The following XKR4 variants were observed in gnomAD, a reference collection of about 807,000 sequenced individuals.
The protein encoded by XKR4 is XK-related protein 4.
XKR4 carries 12 observed loss-of-function variants against 53.9 expected under a neutral mutation model. The ratio of observed to expected loss-of-function variants is 0.22; its 90% CI spans 0.14 to 0.36. The LOEUF (loss-of-function observed/expected upper bound fraction) is 0.36. Among genes scored for constraint, XKR4 ranks in the 10% least tolerant of loss-of-function variants. The pLI, the probability that XKR4 is intolerant of heterozygous loss-of-function variation, is 1.00. For missense variants in XKR4, 799 were observed against 859.5 expected, an observed-to-expected ratio of 0.93 and a Z score of 0.88; for synonymous variants, 354 against 362.4, an observed-to-expected ratio of 0.98 and a Z score of 0.26.
chr8:55,201,843 TA>T (rs747296111), intron 1 of XKR4, among the ~76,000 whole-genome samples: 75 of 152,208 alleles, frequency 4.9e-4, no homozygotes, highest in Admixed American at 2.0e-3. Context: ...TGAGCATTTA[TA>T]GGAAAGGATG....
Position 55,174,848 on chromosome 8 carries a change from G to T in XKR4, c.806+71554G>T, listed in dbSNP as rs567815849. Among the ~76,000 whole-genome samples, 4 of 152,248 alleles carry T rather than the reference G, an allele frequency of 2.6e-5. No homozygotes were observed. The South Asian group carries it at 8.3e-4, about 32-fold the overall frequency. On this transcript the variant is annotated intron_variant, in intron 1 of 2. Coordinates refer to ENST00000327381, the MANE Select transcript of XKR4 (RefSeq NM_052898.2). ...CACCAGAAACATCTCATGGAGCAGC[G>T]TGTGTCACAGCATGACTGTCTCAGC... is the stretch of plus-strand genomic sequence containing the variant.
At chr8:55,523,026 C>T (rs1806821287) in intron 2 of XKR4, among the ~76,000 whole-genome samples, 1 of 151,910 alleles carries the variant, frequency 6.6e-6, no homozygotes, top group Non-Finnish European at 1.5e-5. Flanking sequence ...CCTGTAGTCC[C>T]AGCTACTGGG....
At chr8:55,111,154 C>A (rs1295132394) in intron 1 of XKR4, among the ~76,000 whole-genome samples, 1 of 152,146 alleles carries the variant, frequency 6.6e-6, no homozygotes, top group South Asian at 2.1e-4. Flanking sequence ...AGATTCCAGG[C>A]AGGCTACCTG....
At chr8:55,171,477 G>A (rs1045250691) in intron 1 of XKR4, among the ~76,000 whole-genome samples, 2 of 152,124 alleles carry the variant, frequency 1.3e-5, no homozygotes, top group Non-Finnish European at 2.9e-5. Context: ...GTCTTCATAC[G>A]TCTCCGTGTC....
rs186870438 is a variant in XKR4, at chr8:55,322,168, T to A, written c.807-35510T>A. Among the ~76,000 whole-genome samples, 240 of 152,362 alleles carry A rather than the reference T, an allele frequency of 1.6e-3. 3 individuals carry two copies. The highest frequency in any genetic ancestry group is 5.2e-3 in the African/African-American group (215 of 41,580). On this transcript the variant is annotated intron_variant, in intron 1 of 2. Coordinates refer to ENST00000327381, the MANE Select transcript of XKR4 (RefSeq NM_052898.2). ...ACCACATGCTTTTATCCCTAAGTAA[T>A]TGCTTAATTTAGCATGTTTTTCAAA...
At chr8:55,207,275 C>G (rs1315232824) in intron 1 of XKR4, among the ~76,000 whole-genome samples, 2 of 152,170 alleles carry the variant, frequency 1.3e-5, no homozygotes, top group East Asian at 3.9e-4. Context: ...GGTGACCTGC[C>G]CAACACCCCT....
At chr8:55,265,535 A>T (rs1818585746) in intron 1 of XKR4, among the ~76,000 whole-genome samples, 1 of 152,176 alleles carries the variant, frequency 6.6e-6, no homozygotes, top group Non-Finnish European at 1.5e-5. Flanking sequence ...AGTAGGGTGT[A>T]AAAACCATGT....
chr8:55,315,307 G>A (rs1010643549), intron 1 of XKR4, among the ~76,000 whole-genome samples: 2 of 152,176 alleles, frequency 1.3e-5, no homozygotes, highest in African/African-American at 4.8e-5. Context: ...GGTTCCAGGG[G>A]AATTTTTGTA....
Position 55,126,960 on chromosome 8 carries a change from C to A in XKR4, c.806+23666C>A, listed in dbSNP as rs1326116055. ...CTTTTTATAAAACAAAGAGAGTTCA[C>A]AGGTAAACAGGATGTGGTTTCTGAC... On this transcript the variant is annotated intron_variant, in intron 1 of 2. Coordinates refer to ENST00000327381, the MANE Select transcript of XKR4 (RefSeq NM_052898.2). Among the ~76,000 whole-genome samples, 3 of 152,156 alleles carry A rather than the reference C, an allele frequency of 2.0e-5. No homozygotes were observed. The East Asian group carries it at 5.8e-4, about 29-fold the overall frequency.
chr8:55,140,302 A>C, intron 1 of XKR4: 1 of 227,456 alleles, frequency 4.4e-6, no homozygotes, highest in South Asian at 5.1e-5. Context: ...TGTGGTGTTC[A>C]TGGAAGTCTG....
At chr8:55,411,010 C>T (rs1804768947) in intron 2 of XKR4, among the ~76,000 whole-genome samples, 1 of 152,232 alleles carries the variant, frequency 6.6e-6, no homozygotes, top group South Asian at 2.1e-4. Context: ...CATCTTCTCA[C>T]ACGCTCTGAC....
intron 2 of XKR4, among the ~76,000 whole-genome samples, chr8:55,464,756 T>A (rs1343544732): frequency 6.6e-6 from 1 of 152,048 alleles, no homozygotes; most frequent in Admixed American, 6.6e-5. Flanking sequence ...CAGCCCAAAA[T>A]CTCCTTAAGC....
At chr8:55,136,001 C>T (rs150131714) in intron 1 of XKR4, among the ~76,000 whole-genome samples, 1,904 of 151,970 alleles carry the variant, frequency 0.013, 17 homozygotes, top group Admixed American at 0.02. Flanking sequence ...TCAAGTGATG[C>T]TCCCACCTCA....
At chr8:55,117,825 C>T (rs1422781941) in intron 1 of XKR4, among the ~76,000 whole-genome samples, 1 of 152,130 alleles carries the variant, frequency 6.6e-6, no homozygotes, top group Non-Finnish European at 1.5e-5. Context: ...GTAATGAGTT[C>T]AATGTTACCA....
chr8:55,377,079 T>C (rs2129386934), intron 2 of XKR4, among the ~76,000 whole-genome samples: 1 of 152,180 alleles, frequency 6.6e-6, no homozygotes, highest in South Asian at 2.1e-4. Flanking sequence ...CTGATGACAA[T>C]GGCACTTGTC....
intron 2 of XKR4, among the ~76,000 whole-genome samples, chr8:55,417,738 C>T (rs556964819): frequency 1.3e-5 from 2 of 152,200 alleles, no homozygotes; most frequent in East Asian, 3.9e-4. Context: ...ATCTGTTAAC[C>T]GCATAACGAA....
intron 1 of XKR4, among the ~76,000 whole-genome samples, chr8:55,184,569 T>G (rs1347618819): frequency 6.6e-6 from 1 of 152,240 alleles, no homozygotes; most frequent in Non-Finnish European, 1.5e-5. Flanking sequence ...TTCTGCTGTT[T>G]TCTTTCATGT....
intron 1 of XKR4, among the ~76,000 whole-genome samples, chr8:55,111,342 T>C (rs778405365): frequency 6.6e-6 from 1 of 152,186 alleles, no homozygotes; most frequent in Non-Finnish European, 1.5e-5. Context: ...GTTCTGATTC[T>C]GCTCTTATTA....
chr8:55,142,242 T>C (rs1053597834), intron 1 of XKR4: 7 of 454,322 alleles, frequency 1.5e-5, no homozygotes, highest in Non-Finnish European at 2.7e-5. Flanking sequence ...AACTTGCTCT[T>C]AGACCTCTCC....
Sources: gnomAD v4.1 joint callset for allele counts (sites outside exome capture counted in the v4.1 genomes callset) on GRCh38, gnomAD v4.1.1 for gene constraint, MANE v1.5 for transcripts, NCBI Gene and HGNC (gene_info 2026-07-23, HGNC 2026-07-21) for gene names.